EPHA5: variants seen among roughly 807,000 people sequenced by gnomAD.
EPHA5 encodes the protein ephrin type-A receptor 5.
In EPHA5, 60 loss-of-function variants were observed where a neutral mutation model predicts 105.0. The observed-to-expected ratio is 0.57, with a 90% CI of 0.46 to 0.71. The LOEUF (loss-of-function observed/expected upper bound fraction) is 0.71, where lower values mean the gene tolerates loss of function less well. Ranked by LOEUF, EPHA5 falls within the 30% of genes least tolerant of loss-of-function variation. EPHA5 has a pLI of 0.00. For synonymous variants in EPHA5, 513 were observed against 449.1 expected (o/e 1.14, Z -1.80); for missense variants, 1,218 against 1,274.7 (o/e 0.96, Z 0.68).
intron 8 of EPHA5, among the ~76,000 whole-genome samples, chr4:65,396,523 C>G (rs576116270): frequency 6.6e-6 from 1 of 152,084 alleles, no homozygotes; most frequent in African/African-American, 2.4e-5. Flanking sequence ...AGCCTTATCC[C>G]GTTGGAAGAA....
intron 5 of EPHA5, among the ~76,000 whole-genome samples, chr4:65,474,432 A>G (rs1729599002): frequency 6.6e-6 from 1 of 152,186 alleles, no homozygotes; most frequent in African/African-American, 2.4e-5. Context: ...TCATACCACA[A>G]GTCTAGAGGA....
At chr4:65,342,169 T>C (rs1721793182) in intron 14 of EPHA5, among the ~76,000 whole-genome samples, 2 of 152,016 alleles carry the variant, frequency 1.3e-5, no homozygotes, top group South Asian at 4.1e-4. Context: ...TGTTTTGTTG[T>C]TGTTGTTGTT....
At chr4:65,356,109 C>T (rs1723272719) in intron 11 of EPHA5, among the ~76,000 whole-genome samples, 1 of 151,534 alleles carries the variant, frequency 6.6e-6, no homozygotes, top group Admixed American at 6.6e-5. Context: ...TGAACAGACG[C>T]TGTGCTCCAC....
intron 3 of EPHA5, among the ~76,000 whole-genome samples, chr4:65,528,054 A>T (rs11933602): frequency 0.14 from 20,674 of 152,142 alleles, 1,542 homozygotes; most frequent in South Asian, 0.19. Context: ...TAGGGCTGGA[A>T]TTTTAAAGTA....
At chr4:65,387,283 G>A (rs964650112) in intron 8 of EPHA5, among the ~76,000 whole-genome samples, 13 of 151,914 alleles carry the variant, frequency 8.6e-5, no homozygotes, top group African/African-American at 3.1e-4. Context: ...CTGTCCAAAG[G>A]CTTGGATACA....
chr4:65,639,826 T>C (rs2149508158), intron 2 of EPHA5, among the ~76,000 whole-genome samples: 1 of 152,316 alleles, frequency 6.6e-6, no homozygotes, highest in East Asian at 1.9e-4. Flanking sequence ...CAAGTGGGCT[T>C]ATCCTTTCTT....
In EPHA5 at chr4:65,490,479, G is replaced by A. The variant is rs1161959870; in HGVS notation, c.1300C>T (p.His434Tyr). The change falls in exon 5 of 17, where the codon CAC (histidine) becomes TAC (tyrosine). Residue 434 changes from histidine to tyrosine, a missense_variant. Coordinates refer to ENST00000613740, the MANE Select transcript of EPHA5 (RefSeq NM_001281766.3). ...TCAATCTCAAAGGTATAGTTTGTGT[G>A]AGCGAGTAGATCCACCATCATGACA... ...TSVMMVDLLA[H>Y]TNYTFEIEAV... 5 of 1,614,140 alleles carry A rather than the reference G, an allele frequency of 3.1e-6. No homozygotes were observed. The highest frequency in any genetic ancestry group is 1.1e-5 in the South Asian group (1 of 91,084).
chr4:65,415,566 C>T (rs1230489182), intron 6 of EPHA5, among the ~76,000 whole-genome samples: 1 of 151,960 alleles, frequency 6.6e-6, no homozygotes, highest in Non-Finnish European at 1.5e-5. Context: ...CCAAAATTCT[C>T]TCTAAATAGG....
intron 3 of EPHA5, among the ~76,000 whole-genome samples, chr4:65,570,683 C>G (rs1285907976): frequency 6.6e-6 from 1 of 151,788 alleles, no homozygotes; most frequent in Non-Finnish European, 1.5e-5. Context: ...TATAAGTACT[C>G]TATACTTGTC....
In EPHA5 at chr4:65,458,580, T is replaced by C. The variant is rs183784582; in HGVS notation, c.1402+31797A>G. On this transcript the variant is annotated intron_variant, in intron 5 of 16. Coordinates refer to ENST00000613740, the MANE Select transcript of EPHA5 (RefSeq NM_001281766.3). The stretch of plus-strand genomic sequence containing the variant: ...CTTCTTAATGTTCACATTAATTTAT[T>C]AATCTTCCTAATAAACCTACTTTTA... 3.6e-3 allele frequency among the ~76,000 whole-genome samples: 542 copies of C among 152,276 alleles called. 2 individuals carry two copies. Among genetic ancestry groups the C allele is most frequent in the African/African-American group, 0.012 (495 of 41,572 alleles).
intron 3 of EPHA5, among the ~76,000 whole-genome samples, chr4:65,585,031 A>T (rs1578497267): frequency 1.3e-5 from 2 of 151,976 alleles, no homozygotes; most frequent in East Asian, 3.9e-4. Context: ...GTTTCCCTCC[A>T]GCTCCAGTAC....
intron 9 of EPHA5, 120 bp downstream of exon 9, chr4:65,367,236 TA>T (rs199743769): frequency 0.16 from 105,178 of 649,758 alleles, 2,291 homozygotes; most frequent in East Asian, 0.29. Flanking sequence ...AGAACACTTT[TA>T]AAAAAAAAAA....
At chr4:65,402,611 T>G (rs1406829721) in intron 8 of EPHA5, among the ~76,000 whole-genome samples, 1 of 152,148 alleles carries the variant, frequency 6.6e-6, no homozygotes, top group Non-Finnish European at 1.5e-5. Flanking sequence ...TCATTTCTCC[T>G]AAGTGCACAC....
At chr4:65,658,031 A>C (rs1749226472) in intron 1 of EPHA5, among the ~76,000 whole-genome samples, 1 of 150,744 alleles carries the variant, frequency 6.6e-6, no homozygotes, top group Non-Finnish European at 1.5e-5. Flanking sequence ...GTCAACCTTT[A>C]CTTTTTACAG....
chr4:65,575,982 AAGAG>A (rs370914193), intron 3 of EPHA5, among the ~76,000 whole-genome samples: 491 of 39,566 alleles, frequency 0.012, 41 homozygotes, highest in African/African-American at 0.02. Flanking sequence ...TCAAAAAAGA[AAGAG>A]AGAGAGAGAG....
chr4:65,601,593 A>C, intron 3 of EPHA5, 48 bp downstream of exon 3: 1 of 1,551,910 alleles, frequency 6.4e-7, no homozygotes, highest in Non-Finnish European at 8.8e-7. Flanking sequence ...CATATACATG[A>C]TCCAACTGAA....
At chr4:65,555,568 A>C (rs891546377) in intron 3 of EPHA5, among the ~76,000 whole-genome samples, 37 of 151,064 alleles carry the variant, frequency 2.4e-4, no homozygotes, top group Admixed American at 2.0e-3. Flanking sequence ...AAAAAAAAAA[A>C]CTCCATCTTC....
intron 1 of EPHA5, among the ~76,000 whole-genome samples, chr4:65,655,185 T>C (rs1011907743): frequency 6.6e-6 from 1 of 152,024 alleles, no homozygotes; most frequent in Non-Finnish European, 1.5e-5. Flanking sequence ...ACCATTTATA[T>C]AGCATTTTCT....
chr4:65,340,161 G>C (rs542096332), intron 14 of EPHA5, among the ~76,000 whole-genome samples: 1 of 152,036 alleles, frequency 6.6e-6, no homozygotes, highest in African/African-American at 2.4e-5. Context: ...TATGCTAGCT[G>C]GTACAAGCTT....
Sources: allele counts gnomAD v4.1 joint callset (sites outside exome capture counted in the v4.1 genomes callset), GRCh38; gene constraint gnomAD v4.1.1; transcripts MANE v1.5; gene names NCBI Gene and HGNC (gene_info 2026-07-23, HGNC 2026-07-21).